Variants in TBC1D14 observed in about 807,000 individuals in gnomAD.
TBC1D14 encodes TBC1 domain family, member 14.
A neutral mutation model predicts 79.0 loss-of-function variants in TBC1D14; 26 were observed. That is an observed-to-expected ratio of 0.33 (90% CI 0.24 to 0.46). The LOEUF is 0.46. Ranked by LOEUF, TBC1D14 falls within the 20% of genes least tolerant of loss-of-function variation. The pLI is 1.00. For missense variants in TBC1D14, 769 were observed against 887.6 expected (o/e 0.87, Z 1.70); for synonymous variants, 394 against 349.9 (o/e 1.13, Z -1.40).
chr4:6,932,012 C>T (rs189631304), intron 2 of TBC1D14, among the ~76,000 whole-genome samples: 7 of 152,036 alleles, frequency 4.6e-5, no homozygotes, highest in African/African-American at 1.4e-4. Context: ...AGACAAGTTA[C>T]ACAATGAATA....
chr4:7,011,989 C>G (rs1720824554), intron 11 of TBC1D14, among the ~76,000 whole-genome samples: 1 of 151,854 alleles, frequency 6.6e-6, no homozygotes, highest in African/African-American at 2.4e-5. Flanking sequence ...TCAGATAGTA[C>G]ATACATAAAG....
In TBC1D14 at chr4:6,967,404, G is replaced by T. The variant is rs1280260514; in HGVS notation, c.823G>T (p.Asp275Tyr). ...GCCACTCCGAGAGAATGCCCAGAAGGATTCAAAGAGAATACAGAAGGTACA... is the reference window on the plus strand; with the variant it reads ...GCCACTCCGAGAGAATGCCCAGAAGTATTCAAAGAGAATACAGAAGGTACA... ...KAPLRENAQKDSKRIQKEYED... is the reference protein window; with the variant it reads ...KAPLRENAQKYSKRIQKEYED... The change falls in exon 3 of 14, where the codon GAT (aspartate) becomes TAT (tyrosine). Residue 275 changes from aspartate to tyrosine, a missense_variant. By Grantham distance (160) the Asp-to-Tyr change is radical. Around this residue, in one of 2 missense-constraint regions of TBC1D14, gnomAD observed 402 missense variants for 393.2 expected, o/e 1.02. Coordinates refer to ENST00000409757, the MANE Select transcript of TBC1D14 (RefSeq NM_020773.3). 4 of 1,613,706 alleles carry T rather than the reference G, an allele frequency of 2.5e-6. No individual in the cohort carries two copies. In the Admixed American group the frequency reaches 6.7e-5, roughly 27 times the overall value.
At chr4:6,958,701 C>A (rs1011748007) in intron 2 of TBC1D14, among the ~76,000 whole-genome samples, 3 of 152,184 alleles carry the variant, frequency 2.0e-5, no homozygotes, top group African/African-American at 7.2e-5. Context: ...TACCAAAGTG[C>A]TGGGATTATA....
At chr4:7,015,925 C>CA (rs530732556) in intron 12 of TBC1D14, among the ~76,000 whole-genome samples, 4 of 152,208 alleles carry the variant, frequency 2.6e-5, no homozygotes, top group Admixed American at 1.3e-4. Context: ...AGGCACGTTC[C>CA]ACTAAATCGT....
chr4:7,024,252 G>T (rs1367042756), intron 12 of TBC1D14, among the ~76,000 whole-genome samples: 1 of 152,202 alleles, frequency 6.6e-6, no homozygotes, highest in Non-Finnish European at 1.5e-5. Context: ...CCCTCAGGCC[G>T]AGTCCAGTGC....
chr4:6,909,684 G>A (rs1722800921), upstream of TBC1D14, among the ~76,000 whole-genome samples: 1 of 151,242 alleles, frequency 6.6e-6, no homozygotes, highest in African/African-American at 2.4e-5. Context: ...CCGAGCTCCA[G>A]ACGCGGCGGC....
chr4:6,923,669 G>A lies in TBC1D14; in HGVS notation c.280G>A (p.Asp94Asn), dbSNP rs571166476. 9.9e-6 allele frequency: 16 copies of A among 1,613,830 alleles called. No homozygotes were observed. The highest frequency in any genetic ancestry group is 1.7e-4 in the Middle Eastern group (1 of 6,060). Residue 94 changes from aspartate to asparagine, a missense_variant, in exon 2 of 14, where the codon GAC becomes AAC. Around this residue, in one of 2 missense-constraint regions of TBC1D14, gnomAD observed 402 missense variants for 393.2 expected, o/e 1.02. Transcript: ENST00000409757. ...CGTGAGGAGGAAGCAGTCCGACTCC[G>A]ACCTCATCCCCGAGCGGGCCTTCCA... is the stretch of plus-strand genomic sequence containing the variant. ...VHVRRKQSDS[D>N]LIPERAFQSA...
At chr4:7,001,118 C>CA in intron 6 of TBC1D14, 27 bp from the exon 7 acceptor site, 1 of 1,605,082 alleles carries the variant, frequency 6.2e-7, no homozygotes, top group Non-Finnish European at 8.5e-7. Flanking sequence ...GGAACAAACT[C>CA]AAACTCCTGC....
rs376337649 is a variant in TBC1D14 at position 6,986,657 on chromosome 4, A to C, written c.844-7527A>C. Among the ~76,000 whole-genome samples, 72 of 152,278 alleles carry C rather than the reference A, an allele frequency of 4.7e-4. No individual in the cohort carries two copies. The East Asian group carries it at 6.8e-3, about 14-fold the overall frequency. On this transcript the variant is annotated intron_variant, in intron 3 of 13. Coordinates refer to ENST00000409757, the MANE Select transcript of TBC1D14 (RefSeq NM_020773.3). ...CTGGGGCCCGCGGCTGACCAGAAGT[A>C]ATTTTGACCCGACGTAGTCCTTATG... is the stretch of plus-strand genomic sequence containing the variant.
intron 12 of TBC1D14, among the ~76,000 whole-genome samples, chr4:7,015,746 T>C (rs189064572): frequency 4.5e-4 from 69 of 152,222 alleles, no homozygotes; most frequent in Non-Finnish European, 5.3e-4. Context: ...GCTTCTCCCA[T>C]TATTGCCTTG....
chr4:6,992,985 G>T (rs1306583719), intron 3 of TBC1D14, among the ~76,000 whole-genome samples: 1 of 152,208 alleles, frequency 6.6e-6, no homozygotes, highest in Non-Finnish European at 1.5e-5. Flanking sequence ...CCTTCTCATA[G>T]CCTGTGTATT....
chr4:6,943,815 T>G (rs974936132), intron 2 of TBC1D14, among the ~76,000 whole-genome samples: 1 of 152,172 alleles, frequency 6.6e-6, no homozygotes, highest in African/African-American at 2.4e-5. Flanking sequence ...CAGATAACCT[T>G]GAGTGAATGT....
chr4:7,007,769 G>C, intron 9 of TBC1D14: 1 of 375,942 alleles, frequency 2.7e-6, no homozygotes, highest in African/African-American at 2.1e-5. Context: ...ATAGGCCTCA[G>C]TGCACTCCAT....
intron 2 of TBC1D14, among the ~76,000 whole-genome samples, chr4:6,930,572 T>TA (rs1305185674): frequency 2.6e-5 from 4 of 151,820 alleles, no homozygotes; most frequent in Non-Finnish European, 4.4e-5. Context: ...CTGAGGCGGG[T>TA]AGATCACTTG....
In TBC1D14 at chr4:6,912,836, A is replaced by G. The variant is rs1456843230; in HGVS notation, c.-18+2885A>G. Among the ~76,000 whole-genome samples, 3 of 152,186 alleles carry G rather than the reference A, an allele frequency of 2.0e-5. No homozygotes were observed. The East Asian group carries it at 5.8e-4, about 29-fold the overall frequency. ...TCTCTTACTGTCTTCATTTTGCTGC[A>G]AGGAAACCAAGGCTCGGGGAAGTTA... On this transcript the variant is annotated intron_variant, in intron 1 of 13. Coordinates refer to ENST00000409757, the MANE Select transcript of TBC1D14 (RefSeq NM_020773.3).
intron 1 of TBC1D14, among the ~76,000 whole-genome samples, chr4:6,918,353 G>C (rs1326255308): frequency 6.6e-6 from 1 of 152,164 alleles, no homozygotes; most frequent in Admixed American, 6.5e-5. Flanking sequence ...TTGTGTTCCT[G>C]TTTACTCTGT....
chr4:6,913,983 A>C (rs545800655), intron 1 of TBC1D14, among the ~76,000 whole-genome samples: 260 of 152,116 alleles, frequency 1.7e-3, no homozygotes, highest in Non-Finnish European at 2.7e-3. Context: ...ACAACAACAA[A>C]AAATTAGCTG....
chr4:7,024,783 C>T (rs757656749), intron 12 of TBC1D14, among the ~76,000 whole-genome samples: 9 of 152,158 alleles, frequency 5.9e-5, no homozygotes, highest in Admixed American at 1.3e-4. Context: ...GTCAGTCATT[C>T]GGAAGCTGTG....
chr4:6,924,738 T>G, intron 2 of TBC1D14, among the ~76,000 whole-genome samples: 1 of 152,214 alleles, frequency 6.6e-6, no homozygotes, highest in East Asian at 1.9e-4. Flanking sequence ...CCTGAAGCCC[T>G]GGGGGGGCCG....
Sources: gnomAD v4.1 joint callset for allele counts (sites outside exome capture counted in the v4.1 genomes callset) on GRCh38, gnomAD v4.1.1 for gene constraint, gnomAD v4.1.1 regional missense constraint, MANE v1.5 for transcripts, NCBI Gene and HGNC (gene_info 2026-07-23, HGNC 2026-07-21) for gene names.